PDE1A: variants seen among roughly 807,000 people sequenced by gnomAD.
PDE1A encodes dual specificity calcium/calmodulin-dependent 3',5'-cyclic nucleotide phosphodiesterase 1A.
PDE1A carries 35 observed loss-of-function variants against 61.7 expected under a neutral mutation model. That is an observed-to-expected ratio of 0.57 (90% CI 0.43 to 0.75). The LOEUF (loss-of-function observed/expected upper bound fraction) is 0.75, where lower values mean the gene tolerates loss of function less well. PDE1A is among the 30% of genes least tolerant of loss of function. The pLI, the probability that PDE1A is intolerant of heterozygous loss-of-function variation, is 0.00. For synonymous variants in PDE1A, 232 were observed against 213.2 expected (o/e 1.09, Z -0.77); for missense variants, 597 against 630.6 (o/e 0.95, Z 0.57).
the PDE1A span, among the ~76,000 whole-genome samples, chr2:182,536,418 A>G: frequency 5.8e-4 from 89 of 152,294 alleles, no homozygotes; most frequent in African/African-American, 2.0e-3. Flanking sequence ...CAGATCATTA[A>G]TTCAGGAAAT....
At chr2:182,531,732 G>A in the PDE1A span, among the ~76,000 whole-genome samples, 1 of 152,130 alleles carries the variant, frequency 6.6e-6, no homozygotes, top group East Asian at 1.9e-4. Context: ...TTAAGCTCTA[G>A]AGTACATGTG....
intron 1 of PDE1A, among the ~76,000 whole-genome samples, chr2:182,392,618 C>G (rs1701485122): frequency 1.3e-5 from 2 of 152,208 alleles, no homozygotes; most frequent in African/African-American, 4.8e-5. Context: ...CAAGGCAAGT[C>G]CCTTCTGCCT....
exon 4 of PDE1A, chr2:182,234,463 G>T (rs1689846310): frequency 6.2e-7 from 1 of 1,606,530 alleles, no homozygotes; most frequent in Non-Finnish European, 8.5e-7. Context: ...TGCTGGATAT[G>T]CCAAACCAAC....
chr2:182,386,987 G>T (rs1234604778), intron 1 of PDE1A, among the ~76,000 whole-genome samples: 14 of 152,242 alleles, frequency 9.2e-5, no homozygotes, highest in Admixed American at 9.2e-4. Flanking sequence ...AAGGGGGAAA[G>T]GTGGGGAAAA....
the PDE1A span, among the ~76,000 whole-genome samples, chr2:182,547,667 A>C: frequency 6.6e-6 from 1 of 152,350 alleles, no homozygotes; most frequent in Non-Finnish European, 1.5e-5. Context: ...ATTAATTTAC[A>C]CTCAGGCAGA....
At chr2:182,455,278 G>T (rs547139566) in intron 2 of PDE1A, among the ~76,000 whole-genome samples, 38 of 152,180 alleles carry the variant, frequency 2.5e-4, no homozygotes, top group Non-Finnish European at 4.4e-4. Flanking sequence ...AGTGGATGTG[G>T]AGAAATAGGA....
At position 182,405,381 on chromosome 2, in the gene PDE1A, C is replaced by T. The variant is rs1172201679; in HGVS notation, c.53+21197G>A. On this transcript the variant is annotated intron_variant, in intron 1 of 13. Transcript: ENST00000351439. ...ATTGCCATCTAATACTGCATGGGGC[C>T]CCCAGGGTCAGTGAAGTGTAGTTCA... 4.6e-5 allele frequency among the ~76,000 whole-genome samples: 7 copies of T among 151,972 alleles called. No homozygotes were observed. The South Asian group carries it at 1.5e-3, about 32-fold the overall frequency.
intron 2 of PDE1A, among the ~76,000 whole-genome samples, chr2:182,492,543 T>C (rs895404386): frequency 4.6e-5 from 7 of 150,580 alleles, no homozygotes; most frequent in Non-Finnish European, 4.4e-5. Context: ...AATTCTGAGC[T>C]TAGCTCCAAC....
At chr2:182,241,970 A>T (rs1053685144) in intron 2 of PDE1A, 3 of 1,489,820 alleles carry the variant, frequency 2.0e-6, no homozygotes, top group Non-Finnish European at 1.8e-6. Context: ...ATGGCTTGAA[A>T]ATATCACTAC....
rs181487500 is a variant in PDE1A, at chr2:182,510,516, G to A, written c.101+11760C>T. ...ATGTTAAATGACAAAATCTGATAAC[G>A]TAATGGAAATACAGCATTTTCTAAA... On this transcript the variant is annotated intron_variant, in intron 2 of 14. Transcript: ENST00000410103. 2.6e-5 allele frequency among the ~76,000 whole-genome samples: 4 copies of A among 152,220 alleles called. No homozygotes were observed. The East Asian group carries it at 5.8e-4, about 22-fold the overall frequency.
chr2:182,688,323 T>G, the PDE1A span, among the ~76,000 whole-genome samples: 6 of 152,270 alleles, frequency 3.9e-5, no homozygotes, highest in Admixed American at 6.5e-5. Flanking sequence ...GACTAACAGC[T>G]GATCTCTCGG....
chr2:182,596,564 A>G, the PDE1A span, among the ~76,000 whole-genome samples: 1 of 152,366 alleles, frequency 6.6e-6, no homozygotes, highest in South Asian at 2.1e-4. Context: ...TCTTTAACAT[A>G]ATATTCACTA....
intron 2 of PDE1A, among the ~76,000 whole-genome samples, chr2:182,452,387 A>G (rs1311408598): frequency 1.3e-5 from 2 of 152,152 alleles, no homozygotes; most frequent in Non-Finnish European, 2.9e-5. Flanking sequence ...TTATGTGCAC[A>G]TATGTGTAGG....
chr2:182,651,246 G>T, the PDE1A span, among the ~76,000 whole-genome samples: 1 of 151,980 alleles, frequency 6.6e-6, no homozygotes, highest in African/African-American at 2.4e-5. Context: ...ACCTCAAGTG[G>T]TCCACCCGCC....
chr2:182,547,969 G>A, the PDE1A span, among the ~76,000 whole-genome samples: 1 of 152,192 alleles, frequency 6.6e-6, no homozygotes, highest in Admixed American at 6.5e-5. Context: ...GTCTGAGAGA[G>A]ATGTGTAGAT....
the PDE1A span, among the ~76,000 whole-genome samples, chr2:182,684,079 C>T: frequency 4.7e-5 from 7 of 148,224 alleles, no homozygotes; most frequent in Admixed American, 2.7e-4. Context: ...GCTGAGATCA[C>T]GCCATTGCAC....
intron 1 of PDE1A, among the ~76,000 whole-genome samples, chr2:182,288,432 T>G (rs1370686436): frequency 5.3e-5 from 8 of 152,150 alleles, no homozygotes; most frequent in Non-Finnish European, 1.2e-4. Context: ...CATTCTGTCT[T>G]AAGTTTGAAT....
intron 1 of PDE1A, among the ~76,000 whole-genome samples, chr2:182,320,854 T>C (rs1291270100): frequency 6.6e-6 from 1 of 152,190 alleles, no homozygotes; most frequent in East Asian, 1.9e-4. Context: ...TGAGATCTAA[T>C]TTCCAAGGTA....
At chr2:182,219,504 T>C (rs1021758979) in intron 7 of PDE1A, among the ~76,000 whole-genome samples, 1 of 152,096 alleles carries the variant, frequency 6.6e-6, no homozygotes, top group Non-Finnish European at 1.5e-5. Flanking sequence ...CTCGTTCATA[T>C]AAGTTGGCAA....
Sources: gnomAD v4.1 joint callset for allele counts (sites outside exome capture counted in the v4.1 genomes callset) on GRCh38, gnomAD v4.1.1 for gene constraint, MANE v1.5 for transcripts, NCBI Gene and HGNC (gene_info 2026-07-23, HGNC 2026-07-21) for gene names.